RGPD4: variants seen among roughly 807,000 people sequenced by gnomAD.
The protein encoded by RGPD4 is ranBP2-like and GRIP domain-containing protein 4.
A neutral mutation model predicts 141.1 loss-of-function variants in RGPD4; 84 were observed. That is an observed-to-expected ratio of 0.60 (90% CI 0.50 to 0.71). The LOEUF is 0.71. RGPD4 is among the 30% of genes least tolerant of loss of function. The pLI is 0.00. For missense variants in RGPD4, 918 were observed against 1,622.4 expected (o/e 0.57, Z 7.46); for synonymous variants, 298 against 566.8 (o/e 0.53, Z 6.74).
intron 20 of RGPD4, among the ~76,000 whole-genome samples, chr2:107,877,749 CAATT>C (rs1248217415): frequency 6.6e-6 from 1 of 151,538 alleles, no homozygotes; most frequent in Non-Finnish European, 1.5e-5. Flanking sequence ...TAGCTAGTAG[CAATT>C]AATTTATAGC....
At position 107,877,802 on chromosome 2, in the gene RGPD4, C is replaced by G. The variant is rs2889837; in HGVS notation, c.4925-2166C>G. Among the ~76,000 whole-genome samples the G allele has an allele frequency of 5.3e-5, 8 of 151,622 alleles. 1 individual carries two copies. Among genetic ancestry groups the G allele is most frequent in the South Asian group, 2.1e-4 (1 of 4,826 alleles). ...ACTAACGTAGTTAAAAGTTTGATGA[C>G]TAAGGTTTTTTTTGTTTGTTTTTTT... On this transcript the variant is annotated intron_variant, in intron 20 of 22. Coordinates refer to ENST00000408999, the MANE Select transcript of RGPD4 (RefSeq NM_182588.3).
intron 22 of RGPD4, among the ~76,000 whole-genome samples, chr2:107,884,946 A>G (rs1675471568): frequency 6.6e-6 from 1 of 151,314 alleles, no homozygotes; most frequent in African/African-American, 2.4e-5. Context: ...TTACAGACAT[A>G]CTTCATAAGT....
At chr2:107,888,315 T>G (rs71419383) in intron 22 of RGPD4, among the ~76,000 whole-genome samples, 1 of 136,184 alleles carries the variant, frequency 7.3e-6, no homozygotes, top group African/African-American at 2.7e-5. Context: ...GCAAAATTTT[T>G]ATTTTGTCAA....
intron 1 of RGPD4, among the ~76,000 whole-genome samples, chr2:107,827,695 G>T (rs1266427544): frequency 1.6e-5 from 1 of 63,488 alleles, no homozygotes; most frequent in Admixed American, 1.3e-4. Context: ...CTGGCTGGGC[G>T]GCGGCGGCCT....
At chr2:107,883,681 G>A (rs1401394965) in intron 22 of RGPD4, among the ~76,000 whole-genome samples, 5 of 143,186 alleles carry the variant, frequency 3.5e-5, no homozygotes, top group African/African-American at 7.9e-5. Flanking sequence ...TGGTTTCCAT[G>A]TCAGATGGAT....
Position 107,890,848 on chromosome 2 carries a change from A to C in RGPD4, c.*117A>C, listed in dbSNP as rs927104919. 1.5e-6 allele frequency: 2 copies of C among 1,321,504 alleles called. No individual in the cohort carries two copies. Among genetic ancestry groups the C allele is most frequent in the Admixed American group, 2.0e-5 (1 of 49,574 alleles). 81.9% of individuals were successfully genotyped at this position (1,321,504 alleles called of 1,614,324 possible). The stretch of plus-strand genomic sequence containing the variant: ...TAAAATCTATTTACAAAAATGGTTC[A>C]TGTGTATTACCATCATTCTTTTGTC... On this transcript the variant is annotated 3_prime_UTR_variant, in exon 23 of 23. Transcript: ENST00000408999.
At chr2:107,828,567 C>A (rs1388490343) in intron 1 of RGPD4, among the ~76,000 whole-genome samples, 18 of 105,932 alleles carry the variant, frequency 1.7e-4, no homozygotes, top group Admixed American at 2.7e-4. Context: ...TGCTCCCTGG[C>A]GCGCTCTGTT....
chr2:107,882,398 G>A (rs1675390649), intron 21 of RGPD4, among the ~76,000 whole-genome samples: 1 of 151,676 alleles, frequency 6.6e-6, no homozygotes, highest in South Asian at 2.1e-4. Context: ...TGGTTCATAT[G>A]CAGCAATCCA....
intron 18 of RGPD4, among the ~76,000 whole-genome samples, chr2:107,866,856 G>A (rs1163419460): frequency 7.0e-6 from 1 of 142,334 alleles, no homozygotes; most frequent in African/African-American, 2.6e-5. Context: ...GATAATACTT[G>A]CCTTACATAA....
chr2:107,872,716 G>C lies in RGPD4; in HGVS notation c.4712G>C (p.Gly1571Ala). The C allele has an allele frequency of 6.2e-7, 1 of 1,611,512 alleles. No homozygotes were observed. ...AGTTCTGCCACTGGGTCTTTGTTTGGATTTAGTTTTAATGCATCTTTGAAA... is the reference window on the plus strand; with the variant it reads ...AGTTCTGCCACTGGGTCTTTGTTTGCATTTAGTTTTAATGCATCTTTGAAA... ...GNSSATGSLF[G>A]FSFNASLKSN... The change falls in exon 20 of 23, where the codon GGA (glycine) becomes GCA (alanine). Residue 1571 changes from glycine (G) to alanine (A), a missense_variant. Gly to Ala is a moderately conservative substitution (Grantham distance 60, BLOSUM62 0). Transcript: ENST00000408999.
chr2:107,832,958 A>G, intron 1 of RGPD4, among the ~76,000 whole-genome samples: 1 of 150,076 alleles, frequency 6.7e-6, no homozygotes, highest in African/African-American at 2.5e-5. Context: ...GAGTTTCTCT[A>G]ATTTTTCTCT....
intron 1 of RGPD4, among the ~76,000 whole-genome samples, chr2:107,829,837 G>A (rs1458416762): frequency 6.6e-6 from 1 of 152,076 alleles, no homozygotes; most frequent in Non-Finnish European, 1.5e-5. Context: ...GTTCTCGGGG[G>A]CTTAGGCACC....
rs2919159 is a variant in RGPD4 at position 107,870,976 on chromosome 2, C to G, written c.2972C>G (p.Pro991Arg). The G allele has an allele frequency of 1.2e-6, 2 of 1,610,092 alleles. No homozygotes were observed. Among genetic ancestry groups the G allele is most frequent in the Non-Finnish European group, 1.7e-6 (2 of 1,179,506 alleles). ...GGATTTCAGTTTGGCAAAAAAGACCCCAATTTCAAGGGATTTTCAGGTGCT... is the reference window on the plus strand; with the variant it reads ...GGATTTCAGTTTGGCAAAAAAGACCGCAATTTCAAGGGATTTTCAGGTGCT... ...GEGFQFGKKD[P>R]NFKGFSGAGE... The change falls in exon 20 of 23, where the codon CCC becomes CGC. Residue 991 changes from proline (P) to arginine (R), a missense_variant. Physicochemically the swap from Pro to Arg is moderately radical, Grantham distance 103. Coordinates refer to ENST00000408999, the MANE Select transcript of RGPD4 (RefSeq NM_182588.3).
intron 11 of RGPD4, 54 bp from the exon 12 acceptor site, chr2:107,859,668 A>G: frequency 1.2e-6 from 2 of 1,610,918 alleles, no homozygotes; most frequent in Non-Finnish European, 1.7e-6. Flanking sequence ...TATGTATGTA[A>G]GCGCTGAACT....
At chr2:107,876,488 C>T (rs144857844) in intron 20 of RGPD4, among the ~76,000 whole-genome samples, 6,637 of 151,462 alleles carry the variant, frequency 0.044, 636 homozygotes, top group African/African-American at 0.15. Context: ...TTAGCTAGAG[C>T]AAGGAACTTA....
chr2:107,863,736 G>A (rs1380005924), intron 17 of RGPD4, among the ~76,000 whole-genome samples: 3 of 151,728 alleles, frequency 2.0e-5, no homozygotes, highest in Non-Finnish European at 4.4e-5. Flanking sequence ...CAGGCGATCT[G>A]CCCGCCTTGG....
chr2:107,857,866 C>T (rs1335677980), intron 9 of RGPD4, among the ~76,000 whole-genome samples: 1 of 151,810 alleles, frequency 6.6e-6, no homozygotes, highest in Non-Finnish European at 1.5e-5. Context: ...GTGGCATGTG[C>T]CTGTAGTCCC....
intron 6 of RGPD4, among the ~76,000 whole-genome samples, chr2:107,846,148 G>C (rs1374890914): frequency 1.4e-5 from 2 of 147,206 alleles, no homozygotes; most frequent in African/African-American, 5.2e-5. Flanking sequence ...GGATGGTCTT[G>C]ATATCCTGAC....
intron 22 of RGPD4, chr2:107,883,231 C>A: frequency 2.3e-6 from 1 of 442,656 alleles, no homozygotes; most frequent in South Asian, 1.7e-5. Flanking sequence ...TTCTACTTCA[C>A]CCCTCTTCCT....
Sources: allele counts gnomAD v4.1 joint callset (sites outside exome capture counted in the v4.1 genomes callset), GRCh38; gene constraint gnomAD v4.1.1; transcripts MANE v1.5; gene names NCBI Gene and HGNC (gene_info 2026-07-23, HGNC 2026-07-21).